RANBP2: variants seen among roughly 807,000 people sequenced by gnomAD.
RANBP2 encodes the protein E3 SUMO-protein ligase RanBP2.
RANBP2 carries 57 observed loss-of-function variants against 303.6 expected under a neutral mutation model. The observed-to-expected ratio is 0.19, with a 90% CI of 0.15 to 0.23. The LOEUF is 0.23. Among genes scored for constraint, RANBP2 ranks in the 10% least tolerant of loss-of-function variants. The pLI is 1.00. For synonymous variants in RANBP2, 1,167 were observed against 1,301.5 expected, an observed-to-expected ratio of 0.90 and a Z score of 2.23; for missense variants, 3,138 against 3,780.8, an observed-to-expected ratio of 0.83 and a Z score of 4.46.
At position 108,772,476 on chromosome 2, in the gene RANBP2, A is replaced by G; in HGVS notation, c.8021-13A>G. On this transcript the variant is annotated splice_polypyrimidine_tract_variant and intron_variant, in intron 21 of 28. Coordinates refer to ENST00000283195, the MANE Select transcript of RANBP2 (RefSeq NM_006267.5). ...AATTAACTAGAAATTCTTTTAATCA[A>G]TTGTATTTTAAGATGAAGATTTCGA... The G allele has an allele frequency of 1.2e-6, 2 of 1,606,374 alleles. No homozygotes were observed. Among genetic ancestry groups the G allele is most frequent in the Non-Finnish European group, 1.7e-6 (2 of 1,173,378 alleles).
At chr2:109,511,079 G>C in the RANBP2 span, among the ~76,000 whole-genome samples, 1 of 152,240 alleles carries the variant, frequency 6.6e-6, no homozygotes, top group Non-Finnish European at 1.5e-5. Context: ...AACTGAGGCA[G>C]AGAGCAGTTA....
the RANBP2 span, among the ~76,000 whole-genome samples, chr2:109,070,180 G>A: frequency 6.6e-6 from 1 of 152,158 alleles, no homozygotes; most frequent in African/African-American, 2.4e-5. Flanking sequence ...GTGAGTGAGG[G>A]GGAACAAAGA....
chr2:109,615,238 C>T, the RANBP2 span: 1 of 1,549,462 alleles, frequency 6.5e-7, no homozygotes, highest in South Asian at 1.2e-5. Flanking sequence ...GTGGCCTCGT[C>T]GTCCGCGGAG....
At chr2:109,237,800 CA>C in the RANBP2 span, among the ~76,000 whole-genome samples, 21 of 152,210 alleles carry the variant, frequency 1.4e-4, no homozygotes, top group South Asian at 4.4e-3. Context: ...ACACAAAAAA[CA>C]AATACTTTCT....
chr2:109,350,262 G>A, the RANBP2 span, among the ~76,000 whole-genome samples: 2 of 152,244 alleles, frequency 1.3e-5, no homozygotes, highest in Non-Finnish European at 2.9e-5. Flanking sequence ...TCTGGAAGGT[G>A]ACCTCTTGGT....
chr2:108,906,301 AG>A, the RANBP2 span: 3 of 1,613,752 alleles, frequency 1.9e-6, no homozygotes, highest in African/African-American at 4.0e-5. Context: ...CTTTTTTTTC[AG>A]CTTACCTTCC....
chr2:109,579,929 T>C, the RANBP2 span, among the ~76,000 whole-genome samples: 1 of 151,756 alleles, frequency 6.6e-6, no homozygotes, highest in Non-Finnish European at 1.5e-5. Flanking sequence ...GAGACCAGCC[T>C]GGCCTACATG....
rs771222885 is a variant in RANBP2, at chr2:108,735,645, G to T, written c.519G>T (p.Glu173Asp). Residue 173 changes from glutamate (E) to aspartate (D), a missense_variant, in exon 5 of 29, where the codon GAG (glutamate) becomes GAT (aspartate). By Grantham distance (45) the Glu-to-Asp change is conservative. Transcript: ENST00000283195. ...TCCATGTGAACATCCGGCTAGTGGAGGTGTATCGCTCAACTAAAAGATTGA... is the reference window on the plus strand; with the variant it reads ...TCCATGTGAACATCCGGCTAGTGGATGTGTATCGCTCAACTAAAAGATTGA... Reference protein sequence around the residue: ...DDVHVNIRLVEVYRSTKRLKD... With the variant: ...DDVHVNIRLVDVYRSTKRLKD... The T allele has an allele frequency of 1.3e-6, 2 of 1,597,472 alleles. No individual in the cohort carries two copies. The highest frequency in any genetic ancestry group is 1.7e-5 in the Admixed American group (1 of 59,988).
the RANBP2 span, among the ~76,000 whole-genome samples, chr2:109,736,324 C>G: frequency 5.9e-5 from 9 of 152,288 alleles, no homozygotes; most frequent in South Asian, 8.3e-4. Context: ...CAGCTATTTC[C>G]CAGGCACCTT....
chr2:108,795,723 T>C, the RANBP2 span, among the ~76,000 whole-genome samples: 1 of 152,148 alleles, frequency 6.6e-6, no homozygotes, highest in Non-Finnish European at 1.5e-5. Context: ...AAGATAATAG[T>C]GGAAAGGGCA....
chr2:109,613,877 C>A, the RANBP2 span: 1 of 1,227,878 alleles, frequency 8.1e-7, no homozygotes, highest in East Asian at 3.2e-5. Context: ...CGGCCCCGAG[C>A]GGCTGGTCCC....
chr2:108,729,979 G>A (rs1306728310), intron 2 of RANBP2, among the ~76,000 whole-genome samples: 75 of 151,954 alleles, frequency 4.9e-4, no homozygotes, highest in Middle Eastern at 3.4e-3. Flanking sequence ...TCGGCCTCCC[G>A]TAGTGTTGGG....
the RANBP2 span, among the ~76,000 whole-genome samples, chr2:109,433,657 C>T: frequency 3.3e-3 from 495 of 152,268 alleles, 3 homozygotes; most frequent in Middle Eastern, 0.027. Flanking sequence ...AGAGTGGTCT[C>T]GGGACACATG....
the RANBP2 span, among the ~76,000 whole-genome samples, chr2:108,891,292 C>T: frequency 6.6e-6 from 1 of 152,158 alleles, no homozygotes; most frequent in Non-Finnish European, 1.5e-5. Context: ...GTAACTGTTG[C>T]TTCTTCTTGT....
At chr2:108,973,317 G>T in the RANBP2 span, among the ~76,000 whole-genome samples, 29,345 of 152,156 alleles carry the variant, frequency 0.19, 4,381 homozygotes, top group East Asian at 0.84. Context: ...CCGCCTCCCT[G>T]CAAGTTGTGA....
the RANBP2 span, among the ~76,000 whole-genome samples, chr2:109,649,640 C>T: frequency 5.3e-5 from 8 of 152,196 alleles, no homozygotes; most frequent in South Asian, 2.1e-4. Context: ...TCAGGTGATC[C>T]GCCTTCCTCG....
the RANBP2 span, among the ~76,000 whole-genome samples, chr2:109,002,433 C>T: frequency 1.3e-5 from 2 of 152,212 alleles, no homozygotes; most frequent in African/African-American, 2.4e-5. Context: ...TCCTTGCTTC[C>T]ATCCTCCACT....
At chr2:109,760,555 G>C in the RANBP2 span, among the ~76,000 whole-genome samples, 1 of 141,538 alleles carries the variant, frequency 7.1e-6, no homozygotes, top group Non-Finnish European at 1.5e-5. Context: ...CCGGCCCGGA[G>C]TCGGGGGCGG....
chr2:109,396,003 G>C, the RANBP2 span, among the ~76,000 whole-genome samples: 1 of 152,232 alleles, frequency 6.6e-6, no homozygotes, highest in South Asian at 2.1e-4. Context: ...TTGCTGCCAT[G>C]ATTGCTGTGT....
Sources: gnomAD v4.1 joint callset for allele counts (sites outside exome capture counted in the v4.1 genomes callset) on GRCh38, gnomAD v4.1.1 for gene constraint, MANE v1.5 for transcripts, NCBI Gene and HGNC (gene_info 2026-07-23, HGNC 2026-07-21) for gene names.